Variants in IQCM observed in about 807,000 individuals in gnomAD.
IQCM encodes IQ motif containing M.
A neutral mutation model predicts 57.6 loss-of-function variants in IQCM; 45 were observed. That is an observed-to-expected ratio of 0.78 (90% CI 0.62 to 1.00). The LOEUF (loss-of-function observed/expected upper bound fraction) is 1.00, where lower values mean the gene tolerates loss of function less well. IQCM is among the 50% of genes least tolerant of loss of function. The pLI, the probability that IQCM is intolerant of heterozygous loss-of-function variation, is 0.00. For synonymous variants in IQCM, 148 were observed against 158.9 expected, an observed-to-expected ratio of 0.93 and a Z score of 0.51; for missense variants, 468 against 511.6, an observed-to-expected ratio of 0.91 and a Z score of 0.82.
At chr4:149,542,775 A>T (rs1198727131) in intron 12 of IQCM, among the ~76,000 whole-genome samples, 2 of 152,274 alleles carry the variant, frequency 1.3e-5, no homozygotes, top group South Asian at 4.1e-4. Flanking sequence ...TTATTTATGA[A>T]TAATAGCAAA....
intron 5 of IQCM, among the ~76,000 whole-genome samples, chr4:149,712,034 G>A (rs1307749141): frequency 3.3e-5 from 5 of 152,120 alleles, no homozygotes; most frequent in African/African-American, 1.2e-4. Context: ...AAAACCAGAA[G>A]GATTTGGCAG....
At chr4:149,416,477 TA>T (rs1415618998) in intron 13 of IQCM, among the ~76,000 whole-genome samples, 1 of 152,102 alleles carries the variant, frequency 6.6e-6, no homozygotes, top group East Asian at 1.9e-4. Context: ...CAATTTTTGG[TA>T]TACATTAGAA....
At chr4:149,400,481 T>A (rs1732542469) in intron 13 of IQCM, among the ~76,000 whole-genome samples, 1 of 152,026 alleles carries the variant, frequency 6.6e-6, no homozygotes, top group South Asian at 2.1e-4. Flanking sequence ...CCTTTCTGGG[T>A]TCCACTATTT....
chr4:149,528,676 T>C (rs1297644398), intron 12 of IQCM, among the ~76,000 whole-genome samples: 1 of 151,884 alleles, frequency 6.6e-6, no homozygotes, highest in Non-Finnish European at 1.5e-5. Context: ...GTACAGAAAA[T>C]GAGTATAAAA....
intron 7 of IQCM, among the ~76,000 whole-genome samples, chr4:149,669,740 T>C (rs1761080715): frequency 6.6e-6 from 1 of 152,182 alleles, no homozygotes; most frequent in South Asian, 2.1e-4. Flanking sequence ...GGGAATCCTT[T>C]CCCCATTGCT....
At chr4:149,647,865 T>A (rs1758786922) in intron 7 of IQCM, among the ~76,000 whole-genome samples, 1 of 152,138 alleles carries the variant, frequency 6.6e-6, no homozygotes. Context: ...TCTCTTCTTT[T>A]TGGACTCTGA....
chr4:149,690,565 A>G (rs1056305662), intron 5 of IQCM, among the ~76,000 whole-genome samples: 2 of 152,060 alleles, frequency 1.3e-5, no homozygotes, highest in Non-Finnish European at 2.9e-5. Context: ...CCCCAATAAC[A>G]TATAGAAAAA....
intron 13 of IQCM, among the ~76,000 whole-genome samples, chr4:149,401,649 CAATGAAAGTATGATTT>C (rs1277911001): frequency 3.3e-5 from 5 of 151,696 alleles, no homozygotes; most frequent in African/African-American, 1.2e-4. Flanking sequence ...ATTCAAAGTA[CAATGAAAGTATGATTT>C]AAAATGCAGG....
At chr4:149,498,269 G>A (rs1182584053) in intron 12 of IQCM, among the ~76,000 whole-genome samples, 1 of 152,116 alleles carries the variant, frequency 6.6e-6, no homozygotes, top group Non-Finnish European at 1.5e-5. Context: ...GTTGCAAGAA[G>A]GAGACCAACA....
chr4:149,791,326 G>T (rs569519603), intron 2 of IQCM, among the ~76,000 whole-genome samples: 3 of 151,852 alleles, frequency 2.0e-5, no homozygotes, highest in Non-Finnish European at 4.4e-5. Flanking sequence ...ACTTTGGGGG[G>T]GTACATGTAA....
At chr4:149,691,712 T>C (rs1379638972) in intron 5 of IQCM, 1 of 152,112 alleles carries the variant, frequency 6.6e-6, no homozygotes, top group Non-Finnish European at 1.5e-5. Context: ...GGAGCCAATA[T>C]AGATCAAGAG....
At chr4:149,535,485 T>C (rs1365050090) in intron 12 of IQCM, among the ~76,000 whole-genome samples, 1 of 151,998 alleles carries the variant, frequency 6.6e-6, no homozygotes, top group East Asian at 1.9e-4. Context: ...TGTATAATCT[T>C]AATAAACAGA....
At chr4:149,572,867 G>A (rs917340467) in intron 9 of IQCM, among the ~76,000 whole-genome samples, 4 of 151,926 alleles carry the variant, frequency 2.6e-5, no homozygotes, top group Non-Finnish European at 5.9e-5. Context: ...GAGAAAGTTT[G>A]GTTCAAGATG....
chr4:149,782,632 G>A (rs1771715422), intron 2 of IQCM, among the ~76,000 whole-genome samples: 1 of 150,652 alleles, frequency 6.6e-6, no homozygotes, highest in African/African-American at 2.4e-5. Context: ...GGGTGGGTGT[G>A]GGGGGAAATA....
At chr4:149,443,048 G>C (rs1303891133) in intron 12 of IQCM, among the ~76,000 whole-genome samples, 2 of 151,452 alleles carry the variant, frequency 1.3e-5, no homozygotes, top group African/African-American at 4.8e-5. Flanking sequence ...GACTAGCCAA[G>C]TCCTAAGTCC....
At chr4:149,425,424 A>G (rs1338180364) in intron 13 of IQCM, among the ~76,000 whole-genome samples, 1 of 151,958 alleles carries the variant, frequency 6.6e-6, no homozygotes, top group Non-Finnish European at 1.5e-5. Context: ...AGCCAATGGT[A>G]TAAGTCCCAG....
intron 13 of IQCM, among the ~76,000 whole-genome samples, chr4:149,376,058 C>A (rs1405338268): frequency 1.3e-5 from 2 of 152,040 alleles, no homozygotes; most frequent in African/African-American, 4.8e-5. Context: ...TCTGTAACCA[C>A]CTCAAAAGAA....
intron 12 of IQCM, among the ~76,000 whole-genome samples, chr4:149,506,204 G>A (rs1169578065): frequency 6.6e-6 from 1 of 152,110 alleles, no homozygotes; most frequent in Non-Finnish European, 1.5e-5. Context: ...AACATTCAGG[G>A]GTATGTGCAT....
At chr4:149,553,528 A>G (rs1322059217) in intron 10 of IQCM, among the ~76,000 whole-genome samples, 6 of 152,118 alleles carry the variant, frequency 3.9e-5, no homozygotes, top group East Asian at 1.9e-4. Context: ...AGCTTCCAAT[A>G]TTGGCTTCTT....
Sources: gnomAD v4.1 joint callset for allele counts (sites outside exome capture counted in the v4.1 genomes callset) on GRCh38, gnomAD v4.1.1 for gene constraint, MANE v1.5 for transcripts, NCBI Gene and HGNC (gene_info 2026-07-23, HGNC 2026-07-21) for gene names.